ATP11A: variants seen among roughly 807,000 people sequenced by gnomAD.
ATP11A encodes the protein phospholipid-transporting ATPase IH.
Under a neutral mutation model 154.4 loss-of-function variants are expected in ATP11A, and 81 were observed. That is an observed-to-expected ratio of 0.52 (90% CI 0.44 to 0.63). The LOEUF (loss-of-function observed/expected upper bound fraction) is 0.63, where lower values mean the gene tolerates loss of function less well. Ranked by LOEUF, ATP11A falls within the 30% of genes least tolerant of loss-of-function variation. The pLI, the probability that ATP11A is intolerant of heterozygous loss-of-function variation, is 0.00. For synonymous variants in ATP11A, 623 were observed against 585.9 expected, an observed-to-expected ratio of 1.06 and a Z score of -0.91; for missense variants, 1,316 against 1,474.3, an observed-to-expected ratio of 0.89 and a Z score of 1.76.
intron 18 of ATP11A, among the ~76,000 whole-genome samples, 198 bp from the exon 19 acceptor site, chr13:112,854,081 T>G (rs780529534): frequency 6.6e-6 from 1 of 152,200 alleles, no homozygotes; most frequent in Non-Finnish European, 1.5e-5. Flanking sequence ...AGGAAGTGTT[T>G]CGCTGTGAAA....
chr13:112,810,565 C>T (rs1021536027), intron 4 of ATP11A, 54 bp from the exon 5 acceptor site: 2 of 1,441,346 alleles, frequency 1.4e-6, no homozygotes, highest in Non-Finnish European at 1.9e-6. Flanking sequence ...CTCCCTTTCT[C>T]CTCCTTCCCT....
At chr13:112,817,526 T>C (rs1265993485) in intron 6 of ATP11A, among the ~76,000 whole-genome samples, 1 of 152,238 alleles carries the variant, frequency 6.6e-6, no homozygotes, top group Non-Finnish European at 1.5e-5. Flanking sequence ...TGTTGGTCCC[T>C]CTGGAACCTG....
At chr13:112,800,294 ACAT>A (rs2078100120) in intron 2 of ATP11A, among the ~76,000 whole-genome samples, 1 of 152,168 alleles carries the variant, frequency 6.6e-6, no homozygotes, top group African/African-American at 2.4e-5. Context: ...CAAATTCCAA[ACAT>A]CAGAAATAAA....
rs528348622 is a variant in ATP11A, at chr13:112,781,565, C to T, written c.40-3570C>T. Among the ~76,000 whole-genome samples, 3 of 152,126 alleles carry T rather than the reference C, an allele frequency of 2.0e-5. 1 individual carries two copies. The South Asian group carries it at 6.2e-4, about 32-fold the overall frequency. On this transcript the variant is annotated intron_variant, in intron 1 of 29. Coordinates refer to ENST00000375645, the MANE Select transcript of ATP11A (RefSeq NM_015205.3). ...TGACGGACGCGTGGTGTGAGGCAGC[C>T]GCAGCCACAGAGCCAGTGAGCAGCA...
intron 1 of ATP11A, among the ~76,000 whole-genome samples, chr13:112,758,688 G>T (rs4509906): frequency 0.089 from 13,604 of 152,310 alleles, 678 homozygotes; most frequent in Middle Eastern, 0.12. Flanking sequence ...CTCCCAAAGT[G>T]CTGGGATTAC....
chr13:112,862,474 G>A lies in ATP11A; in HGVS notation c.2890G>A (p.Val964Met), dbSNP rs143392665. The A allele has an allele frequency of 4.9e-4, 793 of 1,614,132 alleles. 5 individuals carry two copies. The African/African-American group carries it at 6.1e-3, about 12-fold the overall frequency. The change falls in exon 25 of 30, where the codon GTG (valine) becomes ATG (methionine). Residue 964 changes from valine to methionine, a missense_variant. By Grantham distance (21) the Val-to-Met change is conservative. Coordinates refer to ENST00000375645, the MANE Select transcript of ATP11A (RefSeq NM_015205.3). Reference protein sequence around the residue: ...VAKNALLRWRVFIYWTLLGLF... With the variant: ...VAKNALLRWRMFIYWTLLGLF... ...CAAGAATGCCCTGCTGCGCTGGCGC[G>A]TGTTCATCTACTGGACGCTCCTGGG...
At chr13:112,734,249 T>C (rs1208466656) in intron 1 of ATP11A, among the ~76,000 whole-genome samples, 2 of 151,974 alleles carry the variant, frequency 1.3e-5, no homozygotes, top group African/African-American at 2.4e-5. Context: ...TGGCTTTTAA[T>C]TGGTGCTGGG....
chr13:112,854,262 G>C lies in ATP11A; in HGVS notation c.1992-17G>C. ...ACTGACTTTTCTCTATGCTGTGTTT[G>C]GTTTTGCCTCCCTCAGGCTGCAGGA... On this transcript the variant is annotated splice_polypyrimidine_tract_variant and intron_variant, in intron 18 of 29. Coordinates refer to ENST00000375645, the MANE Select transcript of ATP11A (RefSeq NM_015205.3). 6.2e-7 allele frequency: 1 copy of C among 1,613,140 alleles called. No individual in the cohort carries two copies. The highest frequency in any genetic ancestry group is 8.5e-7 in the Non-Finnish European group (1 of 1,179,478).
intron 24 of ATP11A, among the ~76,000 whole-genome samples, chr13:112,861,590 T>C (rs1400447820): frequency 6.6e-6 from 1 of 152,228 alleles, no homozygotes; most frequent in Non-Finnish European, 1.5e-5. Flanking sequence ...CCAAGACCAC[T>C]CACTTCCCTG....
chr13:112,864,186 G>C (rs140938730), intron 25 of ATP11A, among the ~76,000 whole-genome samples: 1 of 57,108 alleles, frequency 1.8e-5, no homozygotes, highest in African/African-American at 5.4e-5. Context: ...AGTGCAGCAC[G>C]TGCAGCTTCC....
At chr13:112,839,664 A>G (rs2079339136) in intron 16 of ATP11A, among the ~76,000 whole-genome samples, 1 of 152,166 alleles carries the variant, frequency 6.6e-6, no homozygotes, top group South Asian at 2.1e-4. Flanking sequence ...TCAGTTGCTC[A>G]TTGTAGATTA....
At chr13:112,860,091 T>C (rs2080058335) in intron 23 of ATP11A, among the ~76,000 whole-genome samples, 196 bp from the exon 24 acceptor site, 1 of 151,970 alleles carries the variant, frequency 6.6e-6, no homozygotes, top group Non-Finnish European at 1.5e-5. Flanking sequence ...GATGAGTCAG[T>C]GTTAGGCTTT....
chr13:112,713,451 G>A (rs114224496), intron 1 of ATP11A, among the ~76,000 whole-genome samples: 2,288 of 152,240 alleles, frequency 0.015, 62 homozygotes, highest in African/African-American at 0.052. Flanking sequence ...ATCATGAAAC[G>A]AAGTGACTTC....
intron 1 of ATP11A, among the ~76,000 whole-genome samples, chr13:112,771,717 G>A (rs1386293004): frequency 6.6e-6 from 1 of 152,236 alleles, no homozygotes; most frequent in Non-Finnish European, 1.5e-5. Flanking sequence ...CCCGTCACTC[G>A]GGTAGTCCCA....
At chr13:112,872,679 G>A (rs1384502254) in intron 26 of ATP11A, among the ~76,000 whole-genome samples, 2 of 152,194 alleles carry the variant, frequency 1.3e-5, no homozygotes, top group South Asian at 2.1e-4. Flanking sequence ...GACTTTCTTC[G>A]GTGACGATAT....
intron 16 of ATP11A, among the ~76,000 whole-genome samples, chr13:112,840,584 T>C (rs2079384186): frequency 6.8e-6 from 1 of 147,606 alleles, no homozygotes; most frequent in Non-Finnish European, 1.5e-5. Context: ...TCCTCCCCCA[T>C]GCCCTCCAGC....
intron 1 of ATP11A, among the ~76,000 whole-genome samples, chr13:112,723,881 G>A (rs558815679): frequency 1.6e-4 from 24 of 152,270 alleles, no homozygotes; most frequent in South Asian, 8.3e-4. Context: ...CCCGAAACCC[G>A]GAGGCCCTCA....
chr13:112,883,353 G>C lies in ATP11A; in HGVS notation c.*1487G>C, dbSNP rs1321158460. 7.6e-6 allele frequency: 3 copies of C among 396,540 alleles called. No homozygotes were observed. The highest frequency in any genetic ancestry group is 1.3e-5 in the Non-Finnish European group (3 of 225,442). The allele number at this position is 396,540 out of a possible 1,614,324, so 24.6% of individuals were successfully genotyped here. A position where few individuals can be genotyped will look rare whatever the true frequency, so the allele number is the denominator to read the frequency against. On this transcript the variant is annotated 3_prime_UTR_variant, in exon 30 of 30. Transcript: ENST00000375645. ...TGGTCCTTAAAGAAGACATTTCAGT[G>C]TGAGATTCAGACTTCAGACGCTGAA...
At chr13:112,711,688 T>A (rs912647910) in intron 1 of ATP11A, among the ~76,000 whole-genome samples, 20 of 152,174 alleles carry the variant, frequency 1.3e-4, no homozygotes, top group African/African-American at 4.6e-4. Flanking sequence ...CAAGACTCTG[T>A]TTTGCTTCCA....
Sources: gnomAD v4.1 joint callset for allele counts (sites outside exome capture counted in the v4.1 genomes callset) on GRCh38, gnomAD v4.1.1 for gene constraint, MANE v1.5 for transcripts, NCBI Gene and HGNC (gene_info 2026-07-23, HGNC 2026-07-21) for gene names.